Variants in MACF1 observed in about 807,000 individuals in gnomAD.
MACF1 encodes the protein microtubule actin crosslinking factor 1.
MACF1 carries 193 observed loss-of-function variants against 854.8 expected under a neutral mutation model. That is an observed-to-expected ratio of 0.23 (90% confidence interval 0.20 to 0.25). The LOEUF (loss-of-function observed/expected upper bound fraction) is 0.25. MACF1 is among the 10% of genes least tolerant of loss of function. The pLI, the probability that MACF1 is intolerant of heterozygous loss-of-function variation, is 1.00. For synonymous variants in MACF1, 3,185 were observed against 3,226.7 expected (o/e 0.99, Z 0.44); for missense variants, 7,722 against 8,929.1 (o/e 0.86, Z 5.45).
rs1002915374 is a variant in MACF1 at position 39,258,001 on chromosome 1, G to A, written c.501G>A (p.Leu167=). Residue 167 remains leucine, a synonymous_variant, in exon 6 of 101, where the codon CTG becomes CTA. Transcript: ENST00000564288. ...TDGNPKLTLG[L]IWTIILHFQI... ...GCAACCCCAAGTTGACCCTGGGTCT[G>A]ATCTGGACCATTATTTTGCATTTCC... 6.2e-7 allele frequency: 1 copy of A among 1,613,970 alleles called. No individual in the cohort carries two copies. The highest frequency in any genetic ancestry group is 1.3e-5 in the African/African-American group (1 of 74,910).
Position 39,442,877 on chromosome 1 carries a change from A to C in MACF1, c.19268A>C (p.Glu6423Ala). 6.2e-7 allele frequency: 1 copy of C among 1,614,094 alleles called. No homozygotes were observed. Residue 6423 changes from glutamate to alanine, a missense_variant, in exon 78 of 101, where the codon GAG becomes GCG. By Grantham distance (107) the Glu-to-Ala change is moderately radical. Transcript: ENST00000564288. ...CWESVLQKTE[E>A]REQQLQSTLQ... is the part of the protein sequence containing the mutation. ...GAGTCAGTGTTACAGAAAACAGAGGAGAGGGAGCAGCAGCTTCAGTCAACT... is the reference window on the plus strand; with the variant it reads ...GAGTCAGTGTTACAGAAAACAGAGGCGAGGGAGCAGCAGCTTCAGTCAACT...
intron 6 of MACF1, among the ~76,000 whole-genome samples, chr1:39,277,899 G>A (rs994348564): frequency 1.3e-5 from 2 of 152,162 alleles, no homozygotes; most frequent in African/African-American, 2.4e-5. Context: ...AGTAAGTGGT[G>A]TGTCTTTTCT....
At chr1:39,270,563 C>A (rs918807269) in intron 6 of MACF1, among the ~76,000 whole-genome samples, 4 of 152,078 alleles carry the variant, frequency 2.6e-5, no homozygotes, top group Non-Finnish European at 4.4e-5. Flanking sequence ...CTCAGCAAGA[C>A]CATGGGTAGC....
chr1:39,132,963 G>A (rs184376942), intron 2 of MACF1, among the ~76,000 whole-genome samples: 182 of 152,250 alleles, frequency 1.2e-3, no homozygotes, highest in African/African-American at 4.1e-3. Flanking sequence ...AGAAAAGCTC[G>A]GTCCCTCATG....
At chr1:39,189,265 TAGC>T (rs1644216270) in intron 2 of MACF1, among the ~76,000 whole-genome samples, 1 of 152,224 alleles carries the variant, frequency 6.6e-6, no homozygotes, top group Non-Finnish European at 1.5e-5. Context: ...TGCAGGCACT[TAGC>T]AGAGAGAAAG....
intron 65 of MACF1, 133 bp from the exon 66 acceptor site, chr1:39,430,569 G>GAA: frequency 1.4e-6 from 1 of 703,418 alleles, no homozygotes; most frequent in South Asian, 1.8e-5. Flanking sequence ...TCTGAGATGA[G>GAA]AAAAAAATAA....
chr1:39,269,165 C>CGA, intron 6 of MACF1: 1 of 1,289,906 alleles, frequency 7.8e-7, no homozygotes. Flanking sequence ...AAAGGAACTG[C>CGA]GAGAAGTCAG....
chr1:39,086,668 A>C (rs1641681245), intron 2 of MACF1, among the ~76,000 whole-genome samples: 1 of 152,180 alleles, frequency 6.6e-6, no homozygotes, highest in Non-Finnish European at 1.5e-5. Context: ...GTCTTCTCTG[A>C]GGAGGCCCAC....
chr1:39,328,487 G>A (rs1431727107), intron 36 of MACF1: 1 of 152,228 alleles, frequency 6.6e-6, no homozygotes, highest in Admixed American at 6.5e-5. Flanking sequence ...GTATTGTTCT[G>A]ATTAACTGAC....
chr1:39,137,059 T>TTTTAA (rs1162648577), intron 2 of MACF1, among the ~76,000 whole-genome samples: 4 of 152,292 alleles, frequency 2.6e-5, no homozygotes, highest in East Asian at 1.9e-4. Context: ...TTTGTTATTT[T>TTTTAA]TTTAATTTAA....
chr1:39,088,290 T>G (rs1641726424), intron 2 of MACF1, among the ~76,000 whole-genome samples: 1 of 151,934 alleles, frequency 6.6e-6, no homozygotes, highest in African/African-American at 2.4e-5. Context: ...GGTTTCACCA[T>G]GTTGGTCAGG....
chr1:39,421,883 G>A (rs574953375), intron 58 of MACF1, among the ~76,000 whole-genome samples: 3 of 152,084 alleles, frequency 2.0e-5, no homozygotes, highest in Non-Finnish European at 4.4e-5. Flanking sequence ...GACCATCCTG[G>A]CTAACACGGT....
chr1:39,175,024 T>C (rs890212252), intron 2 of MACF1, among the ~76,000 whole-genome samples: 2 of 152,230 alleles, frequency 1.3e-5, no homozygotes, highest in Non-Finnish European at 2.9e-5. Context: ...TGGGAGTGGC[T>C]AAGGAAGTGG....
intron 79 of MACF1, among the ~76,000 whole-genome samples, chr1:39,444,352 T>G (rs1644181622): frequency 6.6e-6 from 1 of 152,142 alleles, no homozygotes; most frequent in African/African-American, 2.4e-5. Context: ...AAAAAAGTTT[T>G]TCTTCTATGG....
chr1:39,201,604 G>A (rs567150408), upstream of MACF1, among the ~76,000 whole-genome samples: 4 of 151,912 alleles, frequency 2.6e-5, no homozygotes, highest in South Asian at 2.1e-4. Flanking sequence ...CACCTGCCTC[G>A]GCCTCCCAAA....
intron 2 of MACF1, among the ~76,000 whole-genome samples, chr1:39,099,599 C>T (rs1642016798): frequency 6.6e-6 from 1 of 152,168 alleles, no homozygotes; most frequent in South Asian, 2.1e-4. Flanking sequence ...TTCCCTCTTT[C>T]CTCCCTACAC....
chr1:39,184,971 T>C (rs531412197), intron 2 of MACF1, among the ~76,000 whole-genome samples: 2 of 152,210 alleles, frequency 1.3e-5, no homozygotes, highest in African/African-American at 2.4e-5. Flanking sequence ...ACCAAAAAAG[T>C]AGAAGATACT....
upstream of MACF1, among the ~76,000 whole-genome samples, chr1:39,200,100 C>T (rs1644371329): frequency 6.6e-6 from 1 of 152,174 alleles, no homozygotes; most frequent in Admixed American, 6.5e-5. Context: ...CAAAACTGCA[C>T]TTGTTAGAGT....
At chr1:39,432,988 C>G (rs891874358) in intron 67 of MACF1, 60 bp from the exon 68 acceptor site, 27 of 1,084,752 alleles carry the variant, frequency 2.5e-5, no homozygotes, top group Admixed American at 4.5e-5. Context: ...TTTGTCTTAA[C>G]CTTTAGTAAT....
Sources: gnomAD v4.1 joint callset for allele counts (sites outside exome capture counted in the v4.1 genomes callset) on GRCh38, gnomAD v4.1.1 for gene constraint, MANE v1.5 for transcripts, NCBI Gene and HGNC (gene_info 2026-07-23, HGNC 2026-07-21) for gene names.